The following PIGN variants were observed in gnomAD, a reference collection of about 807,000 sequenced individuals.
PIGN encodes the protein phosphatidylinositol glycan anchor biosynthesis class N, also known as GPI ethanolamine phosphate transferase 1.
Under a neutral mutation model 125.4 loss-of-function variants are expected in PIGN, and 117 were observed. That is an observed-to-expected ratio of 0.93 (90% CI 0.80 to 1.09). The LOEUF is 1.09. PIGN is among the 50% of genes least tolerant of loss of function. The probability of loss-of-function intolerance (pLI) is 0.00; values close to 1 mark genes in which losing one functional copy is unlikely to be tolerated. For missense variants in PIGN, 1,075 were observed against 1,094.9 expected (o/e 0.98, Z 0.26); for synonymous variants, 392 against 377.8 (o/e 1.04, Z -0.44).
intron 11 of PIGN, 74 bp from the exon 12 acceptor site, chr18:62,140,553 T>C (rs2036097637): frequency 8.3e-6 from 6 of 723,556 alleles, no homozygotes; most frequent in Non-Finnish European, 1.4e-5. Context: ...AATGCAACCA[T>C]ATTTTGGAAA....
Position 62,041,355 on chromosome 18 carries a change from G to T in PIGN, c.*4501C>A, listed in dbSNP as rs1422679773. The T allele has an allele frequency of 1.3e-5, 2 of 152,062 alleles. No homozygotes were observed. The highest frequency in any genetic ancestry group is 2.9e-5 in the Non-Finnish European group (2 of 68,018). The allele number at this position is 152,062 out of a possible 1,614,324, so 9.4% of individuals were successfully genotyped here. On this transcript the variant is annotated 3_prime_UTR_variant, in exon 31 of 31. Transcript: ENST00000640252. ...ATATACAGAGGCAGGAAAAATTGCA[G>T]GAAATTGTAAAGTTTTCTCACATTA... is the stretch of plus-strand genomic sequence containing the variant.
rs1343913401 is a variant in PIGN, at chr18:62,045,631, A to G, written c.*225T>C. 2 of 385,336 alleles carry G rather than the reference A, an allele frequency of 5.2e-6. No individual in the cohort carries two copies. The highest frequency in any genetic ancestry group is 9.3e-6 in the Non-Finnish European group (2 of 213,974). The allele number at this position is 385,336 out of a possible 1,614,324, so 23.9% of individuals were successfully genotyped here. ...AAATGAAAAAGGAGAATGCCTTCCT[A>G]TGCTTTTCCACAGATATAATCACTA... is the stretch of plus-strand genomic sequence containing the variant. On this transcript the variant is annotated 3_prime_UTR_variant, in exon 31 of 31. Transcript: ENST00000640252.
chr18:62,140,340 A>G (rs1021614179), intron 12 of PIGN, 80 bp downstream of exon 12: 1 of 647,764 alleles, frequency 1.5e-6, no homozygotes, highest in Non-Finnish European at 2.6e-6. Context: ...ATTATTCAGA[A>G]ACACATAAAA....
intron 7 of PIGN, among the ~76,000 whole-genome samples, chr18:62,152,865 T>C (rs1441481585): frequency 1.4e-5 from 1 of 70,696 alleles, no homozygotes; most frequent in Non-Finnish European, 3.6e-5. Flanking sequence ...TATATATATA[T>C]ATATTTTTTT....
intron 30 of PIGN, among the ~76,000 whole-genome samples, chr18:62,046,489 T>C (rs2030705205): frequency 6.6e-6 from 1 of 150,644 alleles, no homozygotes; most frequent in Non-Finnish European, 1.5e-5. Context: ...GGGATCTAGG[T>C]TGTGCACTTC....
chr18:62,137,272 C>A (rs1230976205), intron 14 of PIGN: 3 of 413,482 alleles, frequency 7.3e-6, no homozygotes, highest in Non-Finnish European at 1.3e-5. Flanking sequence ...GCTAGGGGCT[C>A]TCGGGCCTTT....
intron 1 of PIGN, among the ~76,000 whole-genome samples, chr18:62,169,290 T>G (rs1053001505): frequency 3.3e-5 from 5 of 152,252 alleles, no homozygotes; most frequent in Non-Finnish European, 7.3e-5. Context: ...TTTGTTCCTT[T>G]TTATTATTGA....
intron 1 of PIGN, among the ~76,000 whole-genome samples, chr18:62,185,882 C>G (rs2037938601): frequency 1.3e-5 from 2 of 152,270 alleles, no homozygotes; most frequent in Admixed American, 6.5e-5. Context: ...AATCAAAACT[C>G]TCTGAAGCAT....
chr18:62,075,533 A>C (rs2033126325), intron 28 of PIGN: 1 of 152,224 alleles, frequency 6.6e-6, no homozygotes, highest in South Asian at 2.1e-4. Flanking sequence ...ATTTACTTTT[A>C]TGGCTGAATA....
chr18:62,173,696 A>G (rs1187296605), intron 1 of PIGN, among the ~76,000 whole-genome samples: 7 of 152,274 alleles, frequency 4.6e-5, no homozygotes, highest in Non-Finnish European at 8.8e-5. Flanking sequence ...ACGTATGTCA[A>G]GTACCTAGCC....
intron 20 of PIGN, among the ~76,000 whole-genome samples, chr18:62,103,274 A>G (rs2034514993): frequency 6.6e-6 from 1 of 152,214 alleles, no homozygotes; most frequent in Non-Finnish European, 1.5e-5. Context: ...AGATAGCTAA[A>G]CAAGTATATT....
At chr18:62,073,409 C>T (rs778034801) in intron 29 of PIGN, among the ~76,000 whole-genome samples, 3 of 151,868 alleles carry the variant, frequency 2.0e-5, no homozygotes, top group Admixed American at 6.6e-5. Context: ...CATCAAGAGT[C>T]CAGAGAGAGC....
intron 28 of PIGN, 109 bp downstream of exon 28, chr18:62,082,564 A>T (rs1009854434): frequency 3.7e-6 from 2 of 545,810 alleles, no homozygotes; most frequent in African/African-American, 2.0e-5. Flanking sequence ...TGTAATAAAC[A>T]ATCTATGTTA....
intron 29 of PIGN, among the ~76,000 whole-genome samples, chr18:62,073,402 C>A (rs1397383171): frequency 2.6e-5 from 4 of 152,124 alleles, no homozygotes; most frequent in South Asian, 2.1e-4. Context: ...ATATATACAT[C>A]AAGAGTCCAG....
At chr18:62,061,319 A>G (rs2032108399) in intron 30 of PIGN, among the ~76,000 whole-genome samples, 1 of 152,118 alleles carries the variant, frequency 6.6e-6, no homozygotes, top group Non-Finnish European at 1.5e-5. Flanking sequence ...CAACACTATA[A>G]ACATTACAGA....
chr18:62,038,540 C>T (rs568333183), downstream of PIGN, among the ~76,000 whole-genome samples: 2 of 152,094 alleles, frequency 1.3e-5, no homozygotes, highest in Non-Finnish European at 2.9e-5. Context: ...TGGCTCCTGC[C>T]AGAAACAGAA....
chr18:62,176,968 A>G, intron 1 of PIGN, among the ~76,000 whole-genome samples: 1 of 8,158 alleles, frequency 1.2e-4, no homozygotes, highest in South Asian at 6.5e-3. Context: ...AATAAAAAGT[A>G]AAAAAAAAAA....
At chr18:62,069,102 C>T (rs1337104007) in intron 30 of PIGN, among the ~76,000 whole-genome samples, 3 of 152,160 alleles carry the variant, frequency 2.0e-5, no homozygotes, top group Non-Finnish European at 4.4e-5. Flanking sequence ...TAAATATTTG[C>T]TGGATTGAAT....
chr18:62,166,976 G>C (rs965681885), intron 1 of PIGN, among the ~76,000 whole-genome samples: 1 of 152,134 alleles, frequency 6.6e-6, no homozygotes, highest in African/African-American at 2.4e-5. Flanking sequence ...TAGATGACAG[G>C]TTGATAGGTG....
Sources: allele counts gnomAD v4.1 joint callset (sites outside exome capture counted in the v4.1 genomes callset), GRCh38; gene constraint gnomAD v4.1.1; transcripts MANE v1.5; gene names NCBI Gene and HGNC (gene_info 2026-07-23, HGNC 2026-07-21).